Variants in SLC39A11 observed in about 807,000 individuals in gnomAD.
SLC39A11 encodes solute carrier family 39 member 11, also known as zinc transporter ZIP11.
Under a neutral mutation model 36.1 loss-of-function variants are expected in SLC39A11, and 33 were observed. That is an observed-to-expected ratio of 0.91 (90% CI 0.69 to 1.22). SLC39A11 has a LOEUF of 1.22. SLC39A11 is among the 50% of genes most tolerant of loss of function. The pLI, the probability that SLC39A11 is intolerant of heterozygous loss-of-function variation, is 0.00. For missense variants in SLC39A11, 432 were observed against 430.3 expected (o/e 1.00, Z -0.03); for synonymous variants, 166 against 170.3 (o/e 0.97, Z 0.20).
chr17:72,693,745 C>T (rs2072149851), intron 7 of SLC39A11, among the ~76,000 whole-genome samples: 1 of 152,226 alleles, frequency 6.6e-6, no homozygotes, highest in African/African-American at 2.4e-5. Flanking sequence ...TCACTCCAAC[C>T]TCTGCCTCCC....
intron 4 of SLC39A11, among the ~76,000 whole-genome samples, chr17:72,959,347 A>G (rs1257166797): frequency 8.8e-5 from 12 of 136,432 alleles, no homozygotes; most frequent in African/African-American, 1.7e-4. Context: ...ATATATATAT[A>G]TATATATATA....
chr17:72,870,980 T>G (rs2080581751), intron 5 of SLC39A11, among the ~76,000 whole-genome samples: 1 of 152,152 alleles, frequency 6.6e-6, no homozygotes, highest in Admixed American at 6.5e-5. Flanking sequence ...AATAAAGGAA[T>G]AAAGGAGAGT....
chr17:72,655,740 T>C (rs71377870), intron 7 of SLC39A11, among the ~76,000 whole-genome samples: 16,769 of 152,220 alleles, frequency 0.11, 1,038 homozygotes, highest in African/African-American at 0.16. Context: ...GGAGGAGATC[T>C]GGAGCAACTG....
chr17:72,820,384 CAA>C (rs1342724784), intron 6 of SLC39A11, among the ~76,000 whole-genome samples: 3 of 151,326 alleles, frequency 2.0e-5, no homozygotes, highest in Non-Finnish European at 1.5e-5. Flanking sequence ...CAAAGTGAAA[CAA>C]GAGCATCTTT....
chr17:72,721,160 G>T (rs911468698), intron 7 of SLC39A11, among the ~76,000 whole-genome samples: 14 of 150,288 alleles, frequency 9.3e-5, no homozygotes, highest in Non-Finnish European at 2.9e-5. Flanking sequence ...GCAGCAGCGC[G>T]ATCTCGGCTC....
intron 4 of SLC39A11, among the ~76,000 whole-genome samples, chr17:72,967,037 T>C (rs947716269): frequency 6.6e-6 from 1 of 152,182 alleles, no homozygotes; most frequent in Non-Finnish European, 1.5e-5. Context: ...TAATGCCTGA[T>C]GATCTGTCAC....
intron 5 of SLC39A11, among the ~76,000 whole-genome samples, chr17:72,865,593 G>T (rs140966813): frequency 1.3e-5 from 2 of 151,388 alleles, no homozygotes; most frequent in African/African-American, 2.4e-5. Context: ...AAAAAAATAC[G>T]CTCCCATGAT....
chr17:72,794,442 T>A (rs972109211), intron 6 of SLC39A11, among the ~76,000 whole-genome samples: 1 of 151,870 alleles, frequency 6.6e-6, no homozygotes, highest in Non-Finnish European at 1.5e-5. Flanking sequence ...GATAATATTG[T>A]TCCCCTGACT....
intron 4 of SLC39A11, among the ~76,000 whole-genome samples, chr17:73,004,221 A>G (rs1299236499): frequency 2.2e-5 from 2 of 92,792 alleles, no homozygotes; most frequent in South Asian, 3.4e-4. Context: ...GAAAGAAAGA[A>G]AGAAAGAAAG....
At chr17:72,932,385 C>G (rs911724031) in intron 5 of SLC39A11, among the ~76,000 whole-genome samples, 5 of 151,938 alleles carry the variant, frequency 3.3e-5, no homozygotes, top group African/African-American at 1.2e-4. Context: ...TGGTGGTTTG[C>G]TGCACCCATC....
intron 6 of SLC39A11, among the ~76,000 whole-genome samples, chr17:72,820,051 T>C (rs2077711990): frequency 1.3e-5 from 2 of 151,284 alleles, no homozygotes; most frequent in African/African-American, 4.8e-5. Context: ...TTCCTTCCGA[T>C]TGACAACGAG....
At chr17:72,802,603 A>AG in intron 6 of SLC39A11, among the ~76,000 whole-genome samples, 1 of 149,552 alleles carries the variant, frequency 6.7e-6, no homozygotes, top group East Asian at 1.9e-4. Context: ...AAAAAAAAAA[A>AG]AAGAAAAGAA....
In SLC39A11 at chr17:73,071,858, C is replaced by T. The variant is rs1033802413; in HGVS notation, c.147+12950G>A. Reference sequence around the variant, plus strand: ...CACCCATGTACTTTGCCCACCTCTCCGCTAAAACACAACTTCCTTACACAC... The same window carrying T: ...CACCCATGTACTTTGCCCACCTCTCTGCTAAAACACAACTTCCTTACACAC... On this transcript the variant is annotated intron_variant, in intron 3 of 9. Coordinates refer to ENST00000255559, the MANE Select transcript of SLC39A11 (RefSeq NM_139177.4). 2.0e-5 allele frequency among the ~76,000 whole-genome samples: 3 copies of T among 152,300 alleles called. 1 individual carries two copies. In the South Asian group the frequency reaches 6.2e-4, roughly 32 times the overall value.
intron 9 of SLC39A11, among the ~76,000 whole-genome samples, 174 bp from the exon 10 acceptor site, chr17:72,647,836 C>T (rs2069635241): frequency 6.6e-6 from 1 of 152,138 alleles, no homozygotes; most frequent in South Asian, 2.1e-4. Flanking sequence ...CATGGAACCC[C>T]AAACAACAAC....
chr17:72,978,132 G>A (rs1047557972), intron 4 of SLC39A11, among the ~76,000 whole-genome samples: 1 of 152,254 alleles, frequency 6.6e-6, no homozygotes, highest in Non-Finnish European at 1.5e-5. Flanking sequence ...AATCTGGGCT[G>A]TCGTCTGGGC....
At chr17:73,012,402 G>A (rs889505110) in intron 4 of SLC39A11, among the ~76,000 whole-genome samples, 14 of 152,072 alleles carry the variant, frequency 9.2e-5, no homozygotes, top group African/African-American at 3.4e-4. Flanking sequence ...CATTTAATGT[G>A]CCCCATATAC....
chr17:72,649,361 C>G lies in SLC39A11; in HGVS notation c.672-93G>C, dbSNP rs997390514. On this transcript the variant is annotated intron_variant, in intron 7 of 9. Coordinates refer to ENST00000255559, the MANE Select transcript of SLC39A11 (RefSeq NM_139177.4). ...GCCGAGGCCAAGACCTCCGTGGGTG[C>G]TAGGAAGCCAGGAGGAGACCTGTGA... 1.8e-5 allele frequency: 20 copies of G among 1,118,460 alleles called. No homozygotes were observed. The Admixed American group carries it at 2.8e-4, about 15-fold the overall frequency. The allele number at this position is 1,118,460 out of a possible 1,614,324, so 69.3% of individuals were successfully genotyped here. A position where few individuals can be genotyped will look rare whatever the true frequency, so the allele number is the denominator to read the frequency against.
At chr17:72,976,169 C>CAAAAAAAAAAAAAAAAAAAAAAAAAA (rs71154939) in intron 4 of SLC39A11, among the ~76,000 whole-genome samples, 1 of 68,376 alleles carries the variant, frequency 1.5e-5, no homozygotes, top group Non-Finnish European at 2.6e-5. Flanking sequence ...GACTCCATCT[C>CAAAAAAAAAAAAAAAAAAAAAAAAAA]AAAAAAAAAA....
intron 5 of SLC39A11, among the ~76,000 whole-genome samples, chr17:72,860,235 T>C (rs2146201795): frequency 6.6e-6 from 1 of 152,150 alleles, no homozygotes; most frequent in East Asian, 2.0e-4. Flanking sequence ...TTTGCTAGTC[T>C]CGCCACCATC....
Sources: gnomAD v4.1 joint callset for allele counts (sites outside exome capture counted in the v4.1 genomes callset) on GRCh38, gnomAD v4.1.1 for gene constraint, MANE v1.5 for transcripts, NCBI Gene and HGNC (gene_info 2026-07-23, HGNC 2026-07-21) for gene names.